Variants in TTC28 observed in about 807,000 individuals in gnomAD.
The protein encoded by TTC28 is tetratricopeptide repeat domain 28, also known as tetratricopeptide repeat protein 28.
TTC28 carries 61 observed loss-of-function variants against 198.0 expected under a neutral mutation model. The ratio of observed to expected loss-of-function variants is 0.31; its 90% CI spans 0.25 to 0.38. TTC28 has a LOEUF of 0.38. Ranked by LOEUF, TTC28 falls within the 10% of genes least tolerant of loss-of-function variation. TTC28 has a pLI of 1.00. For missense variants in TTC28, 2,678 were observed against 3,164.0 expected (o/e 0.85, Z 3.69); for synonymous variants, 1,171 against 1,297.8 (o/e 0.90, Z 2.10).
At chr22:28,313,348 C>T (rs2045298936) in intron 2 of TTC28, among the ~76,000 whole-genome samples, 1 of 152,192 alleles carries the variant, frequency 6.6e-6, no homozygotes, top group Non-Finnish European at 1.5e-5. Flanking sequence ...AGGAATCCTC[C>T]CTAACTCATT....
intron 12 of TTC28, among the ~76,000 whole-genome samples, chr22:28,076,202 C>A (rs1398672577): frequency 1.3e-5 from 2 of 152,192 alleles, no homozygotes; most frequent in African/African-American, 4.8e-5. Context: ...GTAGGTCAGT[C>A]TCAATTAGCA....
intron 5 of TTC28, among the ~76,000 whole-genome samples, chr22:28,227,619 T>G (rs900603145): frequency 6.6e-6 from 1 of 152,088 alleles, no homozygotes; most frequent in Non-Finnish European, 1.5e-5. Context: ...AAGTATCTAT[T>G]TAATATCACT....
chr22:28,351,296 T>C (rs1393501185), intron 2 of TTC28, among the ~76,000 whole-genome samples: 3 of 152,154 alleles, frequency 2.0e-5, no homozygotes, highest in African/African-American at 7.2e-5. Context: ...CTCATTCTCA[T>C]AACAAACAGA....
chr22:28,593,881 G>C (rs1042665581), intron 2 of TTC28, among the ~76,000 whole-genome samples: 11 of 152,122 alleles, frequency 7.2e-5, no homozygotes, highest in African/African-American at 2.7e-4. Flanking sequence ...ATAGGTAGTG[G>C]TGGAGTAGGG....
chr22:28,603,095 G>A (rs1328426939), intron 2 of TTC28, among the ~76,000 whole-genome samples: 1 of 152,034 alleles, frequency 6.6e-6, no homozygotes, highest in Non-Finnish European at 1.5e-5. Context: ...TGGCCAGGAT[G>A]ATCTCAATCT....
At chr22:28,172,813 A>T (rs1353335552) in intron 5 of TTC28, among the ~76,000 whole-genome samples, 1 of 152,222 alleles carries the variant, frequency 6.6e-6, no homozygotes, top group African/African-American at 2.4e-5. Context: ...ATATACTATA[A>T]GAATGGAATA....
intron 14 of TTC28, chr22:28,006,817 G>A (rs1240714695): frequency 2.0e-5 from 3 of 152,192 alleles, no homozygotes; most frequent in Admixed American, 1.3e-4. Flanking sequence ...AGTACAGGTC[G>A]AGCTCTTCAG....
chr22:28,072,243 T>C (rs1367451917), intron 12 of TTC28, among the ~76,000 whole-genome samples: 1 of 152,186 alleles, frequency 6.6e-6, no homozygotes, highest in Non-Finnish European at 1.5e-5. Context: ...TGACCGTGTG[T>C]GCCAGAGAAG....
At chr22:28,458,698 G>A (rs899450618) in intron 2 of TTC28, among the ~76,000 whole-genome samples, 2 of 151,752 alleles carry the variant, frequency 1.3e-5, no homozygotes, top group South Asian at 2.1e-4. Context: ...TGGCTAACAC[G>A]GTGAAACCCC....
At chr22:28,245,276 C>G (rs1050404829) in intron 5 of TTC28, among the ~76,000 whole-genome samples, 9 of 152,138 alleles carry the variant, frequency 5.9e-5, no homozygotes, top group African/African-American at 9.7e-5. Flanking sequence ...GAGGCAAAAT[C>G]ATAGACTTTC....
At chr22:28,098,568 T>TA (rs1224645412) in intron 10 of TTC28, among the ~76,000 whole-genome samples, 1 of 150,880 alleles carries the variant, frequency 6.6e-6, no homozygotes, top group African/African-American at 2.4e-5. Flanking sequence ...TTTTTTTTTT[T>TA]AAGAGACTTT....
intron 1 of TTC28, among the ~76,000 whole-genome samples, chr22:28,643,839 C>T (rs4822979): frequency 1 from 152,334 of 152,334 alleles, 76,167 homozygotes; most frequent in Non-Finnish European, 1. Context: ...ACTTAATATG[C>T]CCCTGGCACA....
At chr22:28,119,967 T>C (rs1348227780) in intron 6 of TTC28, among the ~76,000 whole-genome samples, 1 of 152,226 alleles carries the variant, frequency 6.6e-6, no homozygotes, top group Non-Finnish European at 1.5e-5. Context: ...CTCACCAATT[T>C]ATCTGTAAAA....
At chr22:28,651,372 GCTCA>G (rs965506442) in intron 1 of TTC28, among the ~76,000 whole-genome samples, 39 of 151,550 alleles carry the variant, frequency 2.6e-4, no homozygotes, top group South Asian at 6.2e-4. Context: ...CGTGATCTGA[GCTCA>G]CTGTGACCTC....
At chr22:28,239,910 T>G (rs547103294) in intron 5 of TTC28, among the ~76,000 whole-genome samples, 1 of 152,296 alleles carries the variant, frequency 6.6e-6, no homozygotes, top group South Asian at 2.1e-4. Flanking sequence ...CCTCATCATC[T>G]CTCATTGCTT....
intron 6 of TTC28, among the ~76,000 whole-genome samples, chr22:28,126,351 G>A (rs762577742): frequency 1.3e-5 from 2 of 152,168 alleles, no homozygotes. Context: ...TTATAATCCA[G>A]TGTTGAGTGG....
At chr22:28,318,589 T>C (rs371743978) in intron 2 of TTC28, among the ~76,000 whole-genome samples, 28 of 152,312 alleles carry the variant, frequency 1.8e-4, no homozygotes, top group African/African-American at 6.7e-4. Flanking sequence ...TTGTGTTCAA[T>C]GGAAAAGATT....
intron 2 of TTC28, among the ~76,000 whole-genome samples, chr22:28,392,080 G>C (rs1264181649): frequency 6.6e-6 from 1 of 152,204 alleles, no homozygotes; most frequent in Non-Finnish European, 1.5e-5. Context: ...CTCAGCTGCA[G>C]GTCTGTTGGA....
intron 5 of TTC28, among the ~76,000 whole-genome samples, chr22:28,243,201 A>AAAAAAAATAAAAAT (rs1929805048): frequency 8.8e-6 from 1 of 113,498 alleles, no homozygotes; most frequent in African/African-American, 2.9e-5. Flanking sequence ...AAAAAAAAAA[A>AAAAAAAATAAAAAT]AAAAAAAAAA....
Sources: allele counts gnomAD v4.1 joint callset (sites outside exome capture counted in the v4.1 genomes callset), GRCh38; gene constraint gnomAD v4.1.1; transcripts MANE v1.5; gene names NCBI Gene and HGNC (gene_info 2026-07-23, HGNC 2026-07-21).